Variants in ELOVL5 observed in about 807,000 individuals in gnomAD.
ELOVL5 encodes very long chain fatty acid elongase 5.
In ELOVL5, 8 loss-of-function variants were observed where a neutral mutation model predicts 38.6. The ratio of observed to expected loss-of-function variants is 0.21; its 90% CI spans 0.12 to 0.37. ELOVL5 has a LOEUF of 0.37. Ranked by LOEUF, ELOVL5 falls within the 10% of genes least tolerant of loss-of-function variation. The pLI is 1.00. For synonymous variants in ELOVL5, 127 were observed against 133.7 expected (o/e 0.95, Z 0.34); for missense variants, 280 against 367.8 (o/e 0.76, Z 1.95).
intron 1 of ELOVL5, among the ~76,000 whole-genome samples, chr6:53,336,646 G>C (rs1290472882): frequency 6.6e-6 from 1 of 152,150 alleles, no homozygotes; most frequent in Non-Finnish European, 1.5e-5. Context: ...TGGGCAATTG[G>C]AGTAAGACTG....
intron 3 of ELOVL5, among the ~76,000 whole-genome samples, chr6:53,288,644 T>C (rs1288031970): frequency 6.6e-6 from 1 of 152,256 alleles, no homozygotes; most frequent in Admixed American, 6.5e-5. Flanking sequence ...AGCAAGTCTA[T>C]ATTCCTTCTA....
At chr6:53,329,118 A>C (rs371954851) in intron 1 of ELOVL5, among the ~76,000 whole-genome samples, 17 of 152,328 alleles carry the variant, frequency 1.1e-4, no homozygotes, top group African/African-American at 4.1e-4. Context: ...CAAGAAGGAA[A>C]AATGTTTTTA....
At position 53,276,272 on chromosome 6, in the gene ELOVL5, GAGCCAGTCACCAAC is replaced by G; in HGVS notation, c.247-30_247-17del. 6.4e-7 allele frequency: 1 copy of G among 1,560,894 alleles called. No individual in the cohort carries two copies. Among genetic ancestry groups the G allele is most frequent in the Non-Finnish European group, 8.8e-7 (1 of 1,131,984 alleles). On this transcript the variant is annotated splice_polypyrimidine_tract_variant and intron_variant, in intron 3 of 7. Transcript: ENST00000304434. ...CTGTTACTAACTAAAAAAGAAGAAAGAGCCAGTCACCAACAGCATCTGAGCCATGTAAAGTCCTC... is the reference window on the plus strand; with the variant it reads ...CTGTTACTAACTAAAAAAGAAGAAAGAGCATCTGAGCCATGTAAAGTCCTC...
chr6:53,340,588 C>A (rs1052348895), intron 1 of ELOVL5, among the ~76,000 whole-genome samples: 4 of 152,122 alleles, frequency 2.6e-5, no homozygotes, highest in Non-Finnish European at 5.9e-5. Context: ...TTTACTATAT[C>A]TTTTCTTCAT....
At chr6:53,319,159 T>G (rs1302183045) in intron 1 of ELOVL5, among the ~76,000 whole-genome samples, 1 of 151,426 alleles carries the variant, frequency 6.6e-6, no homozygotes, top group Non-Finnish European at 1.5e-5. Flanking sequence ...TAGTCCCAGC[T>G]ACTCGGGAGG....
intron 1 of ELOVL5, among the ~76,000 whole-genome samples, chr6:53,308,866 G>T (rs572647828): frequency 7.6e-6 from 1 of 131,322 alleles, no homozygotes; most frequent in South Asian, 2.9e-4. Context: ...TCCACCAGCT[G>T]GGGGGAGGGG....
At chr6:53,280,906 AT>A (rs1766326655) in intron 3 of ELOVL5, among the ~76,000 whole-genome samples, 1 of 152,168 alleles carries the variant, frequency 6.6e-6, no homozygotes, top group Non-Finnish European at 1.5e-5. Flanking sequence ...GGAGTGAATC[AT>A]TTTTAACGGT....
At chr6:53,316,560 G>C (rs1206183558) in intron 1 of ELOVL5, among the ~76,000 whole-genome samples, 1 of 152,072 alleles carries the variant, frequency 6.6e-6, no homozygotes, top group Non-Finnish European at 1.5e-5. Flanking sequence ...GGGGCGAGAG[G>C]CTGAAAAGAG....
intron 1 of ELOVL5, chr6:53,337,485 C>T (rs1380858114): frequency 6.6e-6 from 1 of 152,234 alleles, no homozygotes. Flanking sequence ...GGAAGCAAGG[C>T]AACTGGCCTT....
chr6:53,338,275 A>G (rs1436819590), intron 1 of ELOVL5, among the ~76,000 whole-genome samples: 1 of 152,196 alleles, frequency 6.6e-6, no homozygotes, highest in Non-Finnish European at 1.5e-5. Flanking sequence ...GTCAATGAAA[A>G]GTACTTACCT....
chr6:53,318,009 G>C (rs1267812117), intron 1 of ELOVL5, among the ~76,000 whole-genome samples: 1 of 151,858 alleles, frequency 6.6e-6, no homozygotes, highest in Non-Finnish European at 1.5e-5. Flanking sequence ...TATTTACAAG[G>C]ATAATCTCAG....
At chr6:53,270,494 T>C (rs1213993469) in intron 7 of ELOVL5, 99 bp downstream of exon 7, 8 of 1,360,020 alleles carry the variant, frequency 5.9e-6, no homozygotes, top group Non-Finnish European at 8.2e-6. Context: ...CCAGAGCCTG[T>C]CACCCAGCAA....
rs1007312125 is a variant in ELOVL5, at chr6:53,315,905, T to C, written c.-8-20198A>G. Among the ~76,000 whole-genome samples the C allele has an allele frequency of 8.5e-5, 13 of 152,336 alleles. 1 individual carries two copies. In the East Asian group the frequency reaches 2.1e-3, roughly 25 times the overall value. On this transcript the variant is annotated intron_variant, in intron 1 of 7. Coordinates refer to ENST00000304434, the MANE Select transcript of ELOVL5 (RefSeq NM_021814.5). ...TATGAGAAAGATGTAATCTGTAATA[T>C]GCATAATTTCAGTTAGAGTTCTCTA...
At chr6:53,294,630 A>AT (rs975591157) in intron 2 of ELOVL5, 14 of 1,300,032 alleles carry the variant, frequency 1.1e-5, no homozygotes, top group South Asian at 7.2e-5. Flanking sequence ...TTAGAGTTGG[A>AT]TTTTTTGTCC....
chr6:53,287,936 T>G lies in ELOVL5; in HGVS notation c.246+3840A>C, dbSNP rs1581934807. The G allele has an allele frequency of 6.5e-6, 10 of 1,535,506 alleles. No individual in the cohort carries two copies. The East Asian group carries it at 2.4e-4, about 38-fold the overall frequency. On this transcript the variant is annotated intron_variant, in intron 3 of 7. Transcript: ENST00000304434. ...CAGGCAGATCGACGGGGTTGCTCCC[T>G]TTTGGACTGTAACAAACACAATTAG...
chr6:53,273,464 A>G (rs2127566506), intron 5 of ELOVL5, 120 bp from the exon 6 acceptor site: 1 of 895,998 alleles, frequency 1.1e-6, no homozygotes, highest in Middle Eastern at 2.7e-4. Context: ...CTTCCAACGG[A>G]GCTGACAAAC....
At chr6:53,348,230 C>G (rs1458176972) in intron 1 of ELOVL5, among the ~76,000 whole-genome samples, 1 of 152,196 alleles carries the variant, frequency 6.6e-6, no homozygotes, top group African/African-American at 2.4e-5. Context: ...CTCCGAGGGG[C>G]GGACGGAAGG....
intron 1 of ELOVL5, chr6:53,336,965 C>T (rs952863355): frequency 6.6e-6 from 1 of 152,170 alleles, no homozygotes; most frequent in Non-Finnish European, 1.5e-5. Flanking sequence ...GTAGTGAGCA[C>T]AGGCACCAGG....
rs780292619 is a variant in ELOVL5 at position 53,294,337 on chromosome 6, T to C, written c.58+1305A>G. ...CCAGTGAGTTTTGAGGGATGACAGCTGGCAAAGAGCTCTGGGAAACAACTT... is the reference window on the plus strand; with the variant it reads ...CCAGTGAGTTTTGAGGGATGACAGCCGGCAAAGAGCTCTGGGAAACAACTT... On this transcript the variant is annotated intron_variant, in intron 2 of 7. Coordinates refer to ENST00000304434, the MANE Select transcript of ELOVL5 (RefSeq NM_021814.5). 5 of 1,576,796 alleles carry C rather than the reference T, an allele frequency of 3.2e-6. No homozygotes were observed. In the East Asian group the frequency reaches 1.2e-4, roughly 36 times the overall value.
Sources: gnomAD v4.1 joint callset for allele counts (sites outside exome capture counted in the v4.1 genomes callset) on GRCh38, gnomAD v4.1.1 for gene constraint, MANE v1.5 for transcripts, NCBI Gene and HGNC (gene_info 2026-07-23, HGNC 2026-07-21) for gene names.